FBXL7: variants seen among roughly 807,000 people sequenced by gnomAD.
The protein encoded by FBXL7 is F-box/LRR-repeat protein 7.
In FBXL7, 12 loss-of-function variants were observed where a neutral mutation model predicts 38.3. The ratio of observed to expected loss-of-function variants is 0.31; its 90% CI spans 0.20 to 0.51. The LOEUF (loss-of-function observed/expected upper bound fraction) is 0.51, where lower values mean the gene tolerates loss of function less well. Among genes scored for constraint, FBXL7 ranks in the 20% least tolerant of loss-of-function variants. The pLI, the probability that FBXL7 is intolerant of heterozygous loss-of-function variation, is 0.98. For missense variants in FBXL7, 567 were observed against 676.4 expected, an observed-to-expected ratio of 0.84 and a Z score of 1.79; for synonymous variants, 297 against 300.9, an observed-to-expected ratio of 0.99 and a Z score of 0.13.
chr5:15,743,950 G>T (rs1735952828), intron 2 of FBXL7, among the ~76,000 whole-genome samples: 1 of 152,194 alleles, frequency 6.6e-6, no homozygotes, highest in Non-Finnish European at 1.5e-5. Flanking sequence ...AGCCACGGCT[G>T]AAGTTGAAGC....
At chr5:15,582,081 G>T (rs371940097) in intron 1 of FBXL7, among the ~76,000 whole-genome samples, 10 of 152,276 alleles carry the variant, frequency 6.6e-5, no homozygotes, top group East Asian at 3.9e-4. Context: ...GGGATTACAG[G>T]CATGTGCCAC....
At chr5:15,926,567 GAA>G (rs931159190) in intron 2 of FBXL7, among the ~76,000 whole-genome samples, 34 of 151,726 alleles carry the variant, frequency 2.2e-4, no homozygotes, top group African/African-American at 7.7e-4. Flanking sequence ...TGTATATTGA[GAA>G]AAAGAGAGAG....
chr5:15,896,774 C>G (rs762056155), intron 2 of FBXL7, among the ~76,000 whole-genome samples: 25 of 151,200 alleles, frequency 1.7e-4, no homozygotes, highest in Non-Finnish European at 3.2e-4. Context: ...AAAAAAAAAA[C>G]CCAGATTTGC....
intron 2 of FBXL7, among the ~76,000 whole-genome samples, chr5:15,624,628 A>G (rs924385240): frequency 6.6e-6 from 1 of 152,208 alleles, no homozygotes; most frequent in African/African-American, 2.4e-5. Flanking sequence ...TAGCATTCCT[A>G]CACTTGAAGT....
At chr5:15,763,352 G>A (rs1377107911) in intron 2 of FBXL7, among the ~76,000 whole-genome samples, 1 of 152,172 alleles carries the variant, frequency 6.6e-6, no homozygotes, top group Non-Finnish European at 1.5e-5. Context: ...ACGTGATAAA[G>A]TCAGCTATTG....
In FBXL7 at chr5:15,535,167, A is replaced by G. The variant is rs142297881; in HGVS notation, c.37+34454A>G. Among the ~76,000 whole-genome samples, 965 of 152,318 alleles carry G rather than the reference A, an allele frequency of 6.3e-3. 6 individuals carry two copies. The highest frequency in any genetic ancestry group is 0.031 in the Middle Eastern group (9 of 294). On this transcript the variant is annotated intron_variant, in intron 1 of 3. Coordinates refer to ENST00000504595, the MANE Select transcript of FBXL7 (RefSeq NM_012304.5). ...CCAAGGCATGCAGAACTGTGAGTCA[A>G]TTAACCTCTTTTGTTTATAAACTAT...
chr5:15,718,302 AG>A (rs1169912418), intron 2 of FBXL7, among the ~76,000 whole-genome samples: 7 of 152,202 alleles, frequency 4.6e-5, no homozygotes, highest in Non-Finnish European at 1.0e-4. Context: ...CAAAATAAAA[AG>A]TTGAGGAGAA....
intron 2 of FBXL7, among the ~76,000 whole-genome samples, chr5:15,797,902 T>C (rs1180568858): frequency 3.3e-5 from 5 of 152,350 alleles, no homozygotes; most frequent in Admixed American, 6.5e-5. Flanking sequence ...ATAGGAAATA[T>C]TGGCTTTTAG....
At chr5:15,861,118 G>A (rs994148602) in intron 2 of FBXL7, among the ~76,000 whole-genome samples, 3 of 152,144 alleles carry the variant, frequency 2.0e-5, no homozygotes, top group African/African-American at 4.8e-5. Context: ...GATAATAGGT[G>A]GTTTCTTAGG....
At chr5:15,703,734 G>T (rs891356931) in intron 2 of FBXL7, among the ~76,000 whole-genome samples, 1 of 152,118 alleles carries the variant, frequency 6.6e-6, no homozygotes, top group African/African-American at 2.4e-5. Context: ...TTTGAAGGGT[G>T]TGACGTCTCT....
At chr5:15,636,685 T>A (rs915486146) in intron 2 of FBXL7, among the ~76,000 whole-genome samples, 3 of 152,200 alleles carry the variant, frequency 2.0e-5, no homozygotes, top group African/African-American at 7.2e-5. Context: ...AAAACCTTTT[T>A]TTTTTTTTTT....
At chr5:15,586,890 C>T (rs1404429347) in intron 1 of FBXL7, among the ~76,000 whole-genome samples, 3 of 152,174 alleles carry the variant, frequency 2.0e-5, no homozygotes, top group Admixed American at 2.0e-4. Flanking sequence ...ACGTTTACAC[C>T]TGAGAATAGG....
intron 2 of FBXL7, among the ~76,000 whole-genome samples, chr5:15,900,422 A>T (rs895266424): frequency 4.6e-5 from 7 of 152,172 alleles, no homozygotes; most frequent in Admixed American, 2.6e-4. Flanking sequence ...GTCTGTAGGG[A>T]TCTGTTCGTG....
At position 15,572,568 on chromosome 5, in the gene FBXL7, C is replaced by T. The variant is rs151166816; in HGVS notation, c.38-43415C>T. Among the ~76,000 whole-genome samples, 1,043 of 152,162 alleles carry T rather than the reference C, an allele frequency of 6.9e-3. 4 individuals are homozygous for T. Among genetic ancestry groups the T allele is most frequent in the Non-Finnish European group, 9.6e-3 (654 of 68,014 alleles). On this transcript the variant is annotated intron_variant, in intron 1 of 3. Transcript: ENST00000504595. ...CCTGTCATCTTTGACTTTGAAAAAG[C>T]AGGTTGTGTCTAGATTGTGGACCAG...
At chr5:15,912,279 C>T (rs1741451632) in intron 2 of FBXL7, among the ~76,000 whole-genome samples, 1 of 104,468 alleles carries the variant, frequency 9.6e-6, no homozygotes, top group South Asian at 3.8e-4. Context: ...GTGGGAGTGA[C>T]CCGATTTTCC....
intron 2 of FBXL7, among the ~76,000 whole-genome samples, chr5:15,809,647 T>C (rs201613867): frequency 6.6e-6 from 1 of 151,650 alleles, no homozygotes; most frequent in East Asian, 1.9e-4. Flanking sequence ...CACAAATCAA[T>C]TTAAAGAAAA....
chr5:15,921,334 T>C (rs1380142705), intron 2 of FBXL7, among the ~76,000 whole-genome samples: 1 of 144,362 alleles, frequency 6.9e-6, no homozygotes, highest in Non-Finnish European at 1.5e-5. Flanking sequence ...TGAGCTGAGA[T>C]GGCACCATTG....
intron 1 of FBXL7, among the ~76,000 whole-genome samples, chr5:15,599,225 C>A (rs1048171022): frequency 6.6e-6 from 1 of 152,090 alleles, no homozygotes; most frequent in African/African-American, 2.4e-5. Flanking sequence ...TTGGGACCTT[C>A]ATTTGGGGAC....
In FBXL7 at chr5:15,927,764, T is replaced by TAAAAAAAAAAAAAAA. The variant is rs753935096; in HGVS notation, c.128-117_128-103dup. On this transcript the variant is annotated intron_variant, in intron 2 of 3. Coordinates refer to ENST00000504595, the MANE Select transcript of FBXL7 (RefSeq NM_012304.5). ...CACTCCCGCCTGGGCGACAAGATCT[T>TAAAAAAAAAAAAAAA]AAAAAAAAAAAAAAAAAAAAAAAGA... 2.0e-4 allele frequency: 93 copies of TAAAAAAAAAAAAAAA among 456,788 alleles called. No individual in the cohort carries two copies. The African/African-American group carries it at 2.2e-3, about 11-fold the overall frequency. 28.3% of individuals were successfully genotyped at this position (456,788 alleles called of 1,614,324 possible). A position where few individuals can be genotyped will look rare whatever the true frequency, so the allele number is the denominator to read the frequency against.
Sources: gnomAD v4.1 joint callset for allele counts (sites outside exome capture counted in the v4.1 genomes callset) on GRCh38, gnomAD v4.1.1 for gene constraint, MANE v1.5 for transcripts, NCBI Gene and HGNC (gene_info 2026-07-23, HGNC 2026-07-21) for gene names.